OR6A2: variants seen among roughly 807,000 people sequenced by gnomAD.
OR6A2 encodes the protein olfactory receptor family 6 subfamily A member 2, also known as olfactory receptor 6A2.
OR6A2 carries 6 observed loss-of-function variants against 7.1 expected under a neutral mutation model. That is an observed-to-expected ratio of 0.85 (90% CI 0.46 to 1.68). The LOEUF (loss-of-function observed/expected upper bound fraction) is 1.68, where lower values mean the gene tolerates loss of function less well. Among genes scored for constraint, OR6A2 ranks in the 40% most tolerant of loss-of-function variants. OR6A2 has a pLI of 0.01. For missense variants in OR6A2, 431 were observed against 398.0 expected, an observed-to-expected ratio of 1.08 and a Z score of -0.71; for synonymous variants, 162 against 152.1, an observed-to-expected ratio of 1.06 and a Z score of -0.48.
At position 6,794,663 on chromosome 11, in the gene OR6A2, G is replaced by A. The variant is rs1201310838; in HGVS notation, c.*62C>T. The A allele has an allele frequency of 5.1e-6, 8 of 1,563,406 alleles. No individual in the cohort carries two copies. The highest frequency in any genetic ancestry group is 6.1e-6 in the Non-Finnish European group (7 of 1,153,572). Reference sequence around the variant, plus strand: ...AATTTAGGCCCTAAGAACTCCACTGGACTTCATAGAACACATTGATCCCAA... The same window carrying A: ...AATTTAGGCCCTAAGAACTCCACTGAACTTCATAGAACACATTGATCCCAA... On this transcript the variant is annotated 3_prime_UTR_variant, in exon 2 of 2. Transcript: ENST00000641196.
chr11:6,795,061 G>C lies in OR6A2; in HGVS notation c.648C>G (p.Leu216=). 1.9e-6 allele frequency: 3 copies of C among 1,614,132 alleles called. No individual in the cohort carries two copies. Among genetic ancestry groups the C allele is most frequent in the Non-Finnish European group, 2.5e-6 (3 of 1,180,020 alleles). ...CCACATAGGAGGCCCCAGTGACAGAGAGTGGCCCTAGAAGAATAAAAATGG... is the reference window on the plus strand; with the variant it reads ...CCACATAGGAGGCCCCAGTGACAGACAGTGGCCCTAGAAGAATAAAAATGG... ...ILAIFILLGP[L]SVTGASYVAI... is the part of the protein sequence containing the mutation. The change falls in exon 2 of 2, where the codon CTC becomes CTG. Residue 216 remains leucine, a synonymous_variant. Coordinates refer to ENST00000641196, the MANE Select transcript of OR6A2 (RefSeq NM_003696.3).
chr11:6,794,514 A>T lies in OR6A2; in HGVS notation c.*211T>A, dbSNP rs1847722716. On this transcript the variant is annotated 3_prime_UTR_variant, in exon 2 of 2. Transcript: ENST00000641196. ...AATAGTGGACCCAGCTCTATCCTGTATTTTATGGCCCTGTCCTGCAGAAAT... is the reference window on the plus strand; with the variant it reads ...AATAGTGGACCCAGCTCTATCCTGTTTTTTATGGCCCTGTCCTGCAGAAAT... 1.7e-6 allele frequency: 1 copy of T among 603,996 alleles called. No individual in the cohort carries two copies. Among genetic ancestry groups the T allele is most frequent in the African/African-American group, 1.8e-5 (1 of 54,154 alleles). The allele number at this position is 603,996 out of a possible 1,614,324, so 37.4% of individuals were successfully genotyped here. A position where few individuals can be genotyped will look rare whatever the true frequency, so the allele number is the denominator to read the frequency against.
rs761425102 is a variant in OR6A2 at position 6,795,019 on chromosome 11, C to A, written c.690G>T (p.Val230=). ...GASYVAITGA[V]MHIPSAAGRY... is the part of the protein sequence containing the mutation. Reference sequence around the variant, plus strand: ...GTCCAGCAGCCGAAGGAATGTGCATCACAGCACCAGTAATGGCCACATAGG... The same window carrying A: ...GTCCAGCAGCCGAAGGAATGTGCATAACAGCACCAGTAATGGCCACATAGG... Residue 230 remains valine, a synonymous_variant, in exon 2 of 2, where the codon GTG becomes GTT. Transcript: ENST00000641196. The A allele has an allele frequency of 3.5e-5, 57 of 1,614,004 alleles. No individual in the cohort carries two copies. The Middle Eastern group carries it at 4.9e-4, about 14-fold the overall frequency.
chr11:6,794,955 C>T lies in OR6A2; in HGVS notation c.754G>A (p.Val252Ile). 6.2e-7 allele frequency: 1 copy of T among 1,614,116 alleles called. No homozygotes were observed. The highest frequency in any genetic ancestry group is 8.5e-7 in the Non-Finnish European group (1 of 1,180,002). The change falls in exon 2 of 2, where the codon GTT (valine) becomes ATT (isoleucine). Residue 252 changes from valine (V) to isoleucine (I), a missense_variant. Val to Ile is a conservative substitution (Grantham distance 29). Transcript: ENST00000641196. ...AFSTCASHLT[V>I]VIIFYAASIF... ...CTGGCTGCATAGAAGATTATCACAA[C>T]AGTGAGATGAGAGGCACAGGTGGAA...
chr11:6,795,356 A>T lies in OR6A2; in HGVS notation c.353T>A (p.Val118Asp). Residue 118 changes from valine to aspartate, a missense_variant, in exon 2 of 2, where the codon GTC becomes GAC. Coordinates refer to ENST00000641196, the MANE Select transcript of OR6A2 (RefSeq NM_003696.3). ...ATCATAGGCCATAACAGCGAGAAGG[A>T]CACACTCAGTGCAGCCCAAGCCAAG... is the stretch of plus-strand genomic sequence containing the variant. ...FFLGLGCTEC[V>D]LLAVMAYDRY... 6.2e-7 allele frequency: 1 copy of T among 1,614,062 alleles called. No homozygotes were observed. Among genetic ancestry groups the T allele is most frequent in the Non-Finnish European group, 8.5e-7 (1 of 1,180,004 alleles).
Position 6,794,896 on chromosome 11 carries a change from T to TC in OR6A2, c.812_813insG (p.Ala272SerfsTer3). 2.5e-6 allele frequency: 4 copies of TC among 1,614,072 alleles called. No homozygotes were observed. The highest frequency in any genetic ancestry group is 3.4e-6 in the Non-Finnish European group (4 of 1,179,986). On this transcript the variant is annotated frameshift_variant, in exon 2 of 2. Transcript: ENST00000641196. LOFTEE classifies it high-confidence loss of function. ...AGACCAACTTGTTGGTGTCAAAAGC[T>TC]GAGAGTGCCTTTGGCCGAGCATAGA... is the stretch of plus-strand genomic sequence containing the variant.
chr11:6,794,753 T>A lies in OR6A2; in HGVS notation c.956A>T (p.Asp319Val). 6.2e-7 allele frequency: 1 copy of A among 1,613,930 alleles called. No homozygotes were observed. Among genetic ancestry groups the A allele is most frequent in the Middle Eastern group, 1.7e-4 (1 of 6,056 alleles). Residue 319 changes from aspartate to valine, a missense_variant, in exon 2 of 2, where the codon GAC (aspartate) becomes GTC (valine). Coordinates refer to ENST00000641196, the MANE Select transcript of OR6A2 (RefSeq NM_003696.3). The stretch of plus-strand genomic sequence containing the variant: ...TACATTTCTGCTAGCTTTCTTGGGG[T>A]CAGGATCCTGGTGCTGGTACAGGTG... ...TLHLYQHQDP[D>V]PKKASRNV
At chr11:6,798,066 G>A (rs532926301) in intron 1 of OR6A2, among the ~76,000 whole-genome samples, 3 of 152,120 alleles carry the variant, frequency 2.0e-5, no homozygotes, top group Admixed American at 1.3e-4. Flanking sequence ...CTACATCCCT[G>A]CAGCTATTGA....
chr11:6,796,295 G>C (rs768544800), intron 1 of OR6A2, among the ~76,000 whole-genome samples: 14 of 152,176 alleles, frequency 9.2e-5, no homozygotes, highest in African/African-American at 1.4e-4. Flanking sequence ...CTGAAATATA[G>C]ATTTAAGTGA....
Position 6,795,330 on chromosome 11 carries a change from G to T in OR6A2, c.379C>A (p.Arg127Ser). The change falls in exon 2 of 2, where the codon CGC becomes AGC. Residue 127 changes from arginine to serine, a missense_variant. Physicochemically the swap from Arg to Ser is moderately radical, Grantham distance 110. Coordinates refer to ENST00000641196, the MANE Select transcript of OR6A2 (RefSeq NM_003696.3). ...CVLLAVMAYD[R>S]YMAICYPLHY... ...AGAGGATAGCAGATGGCCATATAGC[G>T]ATCATAGGCCATAACAGCGAGAAGG... The T allele has an allele frequency of 1.2e-6, 2 of 1,613,988 alleles. No homozygotes were observed. Among genetic ancestry groups the T allele is most frequent in the Non-Finnish European group, 1.7e-6 (2 of 1,179,984 alleles).
chr11:6,796,510 A>G (rs2741740), intron 1 of OR6A2, among the ~76,000 whole-genome samples: 42,394 of 152,016 alleles, frequency 0.28, 6,476 homozygotes, highest in Middle Eastern at 0.35. Context: ...CCAGAAGGTC[A>G]CAGTACCTGT....
Position 6,795,765 on chromosome 11 carries a change from C to T in OR6A2, c.-57G>A. ...ATGAGAGTAGAGAGTCTTCAGTAGG[C>T]CACAACAAGAACCCAGCCTTTCTCT... On this transcript the variant is annotated 5_prime_UTR_variant, in exon 2 of 2. Transcript: ENST00000641196. 2 of 1,537,768 alleles carry T rather than the reference C, an allele frequency of 1.3e-6. No homozygotes were observed. The highest frequency in any genetic ancestry group is 2.2e-4 in the Middle Eastern group (1 of 4,458).
rs936517020 is a variant in OR6A2, at chr11:6,795,871, A to T, written c.-163T>A. On this transcript the variant is annotated 5_prime_UTR_variant, in exon 2 of 2. Coordinates refer to ENST00000641196, the MANE Select transcript of OR6A2 (RefSeq NM_003696.3). Reference sequence around the variant, plus strand: ...AGCTGAGGCCACTGCTCTCTTCTTTAATCTGGAAATGAGCTAAGGCAAACA... The same window carrying T: ...AGCTGAGGCCACTGCTCTCTTCTTTTATCTGGAAATGAGCTAAGGCAAACA... The T allele has an allele frequency of 3.2e-6, 2 of 619,342 alleles. No individual in the cohort carries two copies. Among genetic ancestry groups the T allele is most frequent in the African/African-American group, 3.7e-5 (2 of 54,208 alleles). 38.4% of individuals were successfully genotyped at this position (619,342 alleles called of 1,614,324 possible).
rs969842940 is a variant in OR6A2, at chr11:6,793,092, C to G, written c.*1633G>C. ...TGTAATAACAATGCCTAGAGGAGGACTCTCCCATCCCTGATCACAACCCCA... is the reference window on the plus strand; with the variant it reads ...TGTAATAACAATGCCTAGAGGAGGAGTCTCCCATCCCTGATCACAACCCCA... On this transcript the variant is annotated 3_prime_UTR_variant, in exon 2 of 2. Coordinates refer to ENST00000641196, the MANE Select transcript of OR6A2 (RefSeq NM_003696.3). 3 of 152,172 alleles carry G rather than the reference C, an allele frequency of 2.0e-5. No homozygotes were observed. Among genetic ancestry groups the G allele is most frequent in the African/African-American group, 7.2e-5 (3 of 41,462 alleles). 9.4% of individuals were successfully genotyped at this position (152,172 alleles called of 1,614,324 possible).
At chr11:6,798,206 T>C (rs1847766509) in intron 1 of OR6A2, among the ~76,000 whole-genome samples, 1 of 152,158 alleles carries the variant, frequency 6.6e-6, no homozygotes, top group Admixed American at 6.6e-5. Context: ...TAGAATAACC[T>C]TTCCCAAGCA....
intron 1 of OR6A2, among the ~76,000 whole-genome samples, chr11:6,798,801 C>T (rs1459692765): frequency 6.6e-6 from 1 of 152,100 alleles, no homozygotes; most frequent in African/African-American, 2.4e-5. Flanking sequence ...AGTTATTACC[C>T]CTCCAAAATT....
chr11:6,795,622 A>G lies in OR6A2; in HGVS notation c.87T>C (p.Phe29=). ...PAPAPLQVLL[F]ALLLLAYVLV... ...ACACATAGGCCAGCAGCAAAAGGGC[A>G]AACAATAGTACCTGTAGTGGCGCAG... Residue 29 remains phenylalanine (F), a synonymous_variant, in exon 2 of 2, where the codon TTT becomes TTC. Coordinates refer to ENST00000641196, the MANE Select transcript of OR6A2 (RefSeq NM_003696.3). The G allele has an allele frequency of 9.9e-6, 16 of 1,614,058 alleles. No individual in the cohort carries two copies. The highest frequency in any genetic ancestry group is 1.3e-5 in the Non-Finnish European group (15 of 1,179,936).
Position 6,795,839 on chromosome 11 carries a change from A to G in OR6A2, c.-131T>C. On this transcript the variant is annotated 5_prime_UTR_variant, in exon 2 of 2. Transcript: ENST00000641196. Reference sequence around the variant, plus strand: ...ACCACGTAAGGAGTTCATGTAATTAATCACTGAGCTGAGGCCACTGCTCTC... The same window carrying G: ...ACCACGTAAGGAGTTCATGTAATTAGTCACTGAGCTGAGGCCACTGCTCTC... 1 of 734,916 alleles carries G rather than the reference A, an allele frequency of 1.4e-6. No individual in the cohort carries two copies. Among genetic ancestry groups the G allele is most frequent in the South Asian group, 1.9e-5 (1 of 52,398 alleles). 45.5% of individuals were successfully genotyped at this position (734,916 alleles called of 1,614,324 possible).
rs1243130843 is a variant in OR6A2 at position 6,791,768 on chromosome 11, A to C, written c.*2957T>G. On this transcript the variant is annotated 3_prime_UTR_variant, in exon 2 of 2. Coordinates refer to ENST00000641196, the MANE Select transcript of OR6A2 (RefSeq NM_003696.3). ...CTAACAACGTGTTTCTTTTTAAAAT[A>C]AACTTCTAAATTTTGGAACAATATT... 6.6e-6 allele frequency: 1 copy of C among 152,240 alleles called. No individual in the cohort carries two copies. The highest frequency in any genetic ancestry group is 1.5e-5 in the Non-Finnish European group (1 of 68,026). The allele number at this position is 152,240 out of a possible 1,614,324, so 9.4% of individuals were successfully genotyped here. A position where few individuals can be genotyped will look rare whatever the true frequency, so the allele number is the denominator to read the frequency against.
Sources: gnomAD v4.1 joint callset for allele counts (sites outside exome capture counted in the v4.1 genomes callset) on GRCh38, gnomAD v4.1.1 for gene constraint, MANE v1.5 for transcripts, NCBI Gene and HGNC (gene_info 2026-07-23, HGNC 2026-07-21) for gene names.